Variants in TRIM5 observed in about 807,000 individuals in gnomAD.
The protein encoded by TRIM5 is tripartite motif-containing protein 5.
A neutral mutation model predicts 35.6 loss-of-function variants in TRIM5; 31 were observed. That is an observed-to-expected ratio of 0.87 (90% CI 0.65 to 1.18). The LOEUF (loss-of-function observed/expected upper bound fraction) is 1.18, where lower values mean the gene tolerates loss of function less well. TRIM5 is among the 50% of genes most tolerant of loss of function. The pLI is 0.00. For missense variants in TRIM5, 609 were observed against 591.6 expected (o/e 1.03, Z -0.31); for synonymous variants, 243 against 215.6 (o/e 1.13, Z -1.11).
At chr11:5,624,969 G>C in the TRIM5 span, 1 of 152,292 alleles carries the variant, frequency 6.6e-6, no homozygotes, top group South Asian at 2.1e-4. Flanking sequence ...TTCACACAGA[G>C]GAACCTCATT....
intron 4 of TRIM5, among the ~76,000 whole-genome samples, chr11:5,672,541 G>T (rs10838514): frequency 0.51 from 78,032 of 151,984 alleles, 23,907 homozygotes; most frequent in Non-Finnish European, 0.69. Flanking sequence ...CCCAAAAATA[G>T]TTTTTAAAAT....
the TRIM5 span, among the ~76,000 whole-genome samples, chr11:5,641,679 G>A: frequency 2.6e-5 from 4 of 152,104 alleles, no homozygotes; most frequent in Admixed American, 2.6e-4. Context: ...GCCTCAGGAC[G>A]GTAGCTGTGA....
intron 1 of TRIM5, among the ~76,000 whole-genome samples, chr11:5,684,548 T>C (rs898845062): frequency 1.4e-4 from 21 of 152,192 alleles, no homozygotes; most frequent in African/African-American, 5.1e-4. Context: ...AGTAAACTAA[T>C]AGGCATTAAA....
chr11:5,644,267 T>G, the TRIM5 span: 1 of 398,894 alleles, frequency 2.5e-6, no homozygotes, highest in Non-Finnish European at 4.4e-6. Context: ...TTCTTTTTCC[T>G]GAAATATAAA....
rs1490982789 is a variant in TRIM5, at chr11:5,679,916, C to T, written c.262G>A (p.Glu88Lys). 6.2e-7 allele frequency: 1 copy of T among 1,614,086 alleles called. No homozygotes were observed. Among genetic ancestry groups the T allele is most frequent in the Admixed American group, 1.7e-5 (1 of 60,012 alleles). The part of the protein sequence containing the change: ...EKLREVKLSP[E>K]GQKVDHCARH... Reference sequence around the variant, plus strand: ...GCACAATGATCAACTTTCTGCCCCTCTGGGCTCAACTTGACCTCCCTGAGC... The same window carrying T: ...GCACAATGATCAACTTTCTGCCCCTTTGGGCTCAACTTGACCTCCCTGAGC... The change falls in exon 2 of 8, where the codon GAG becomes AAG. Residue 88 changes from glutamate (E) to lysine (K), a missense_variant. Transcript: ENST00000380034.
rs1852313498 is a variant in TRIM5, at chr11:5,680,066, A to G, written c.112T>C (p.Cys38Arg). 1.2e-6 allele frequency: 2 copies of G among 1,614,042 alleles called. No individual in the cohort carries two copies. Among genetic ancestry groups the G allele is most frequent in the African/African-American group, 1.3e-5 (1 of 74,902 alleles). Residue 38 changes from cysteine to arginine, a missense_variant, in exon 2 of 8, where the codon TGC (cysteine) becomes CGC (arginine). Transcript: ENST00000380034. ...LDCGHSFCQA[C>R]LTANHKKSML... ...GACTTCTTGTGGTTTGCAGTGAGGC[A>G]TGCTTGGCAGAAGCTGTGGCCGCAG...
rs1176488869 is a variant in TRIM5 at position 5,680,180 on chromosome 11, T to A, written c.-3A>T. 1 of 1,593,988 alleles carries A rather than the reference T, an allele frequency of 6.3e-7. No homozygotes were observed. On this transcript the variant is annotated 5_prime_UTR_variant, in exon 2 of 8. Transcript: ENST00000380034. The stretch of plus-strand genomic sequence containing the variant: ...TTAACCAGGATTCCAGAAGCCATAG[T>A]AGCTATTCCACTGCTCCTGCCTGTC...
intron 4 of TRIM5, among the ~76,000 whole-genome samples, chr11:5,672,501 G>A (rs1312064188): frequency 1.3e-5 from 2 of 152,002 alleles, no homozygotes; most frequent in Admixed American, 6.6e-5. Context: ...GTGAGCCCCT[G>A]CAAAATATTT....
intron 4 of TRIM5, among the ~76,000 whole-genome samples, chr11:5,677,670 TGGCCCTCCTGG>T (rs1852097911): frequency 2.0e-5 from 3 of 152,170 alleles, no homozygotes; most frequent in Admixed American, 2.0e-4. Flanking sequence ...ACCTCATGAC[TGGCCCTCCTGG>T]GCCTCCCAAA....
At chr11:5,600,257 C>T in the TRIM5 span, among the ~76,000 whole-genome samples, 58 of 152,306 alleles carry the variant, frequency 3.8e-4, no homozygotes, top group South Asian at 0.011. Flanking sequence ...CCAGTTTATA[C>T]AACTATGAGA....
chr11:5,676,500 A>G (rs2134095649), intron 4 of TRIM5, among the ~76,000 whole-genome samples: 2 of 152,334 alleles, frequency 1.3e-5, no homozygotes, highest in East Asian at 3.9e-4. Context: ...ATGGGTAGGA[A>G]GAATCAATAT....
chr11:5,602,400 G>A, the TRIM5 span, among the ~76,000 whole-genome samples: 3 of 151,446 alleles, frequency 2.0e-5, no homozygotes, highest in African/African-American at 2.4e-5. Context: ...TCGAGATCAC[G>A]CCACTGCACT....
the TRIM5 span, chr11:5,645,960 AATATGTGTATGTATTTATAAC>A: frequency 4.3e-3 from 558 of 130,312 alleles, 3 homozygotes; most frequent in African/African-American, 0.016. Context: ...AATGTATATT[AATATGTGTATGTATTTATAAC>A]ATATGTGTAA....
chr11:5,661,508 T>TC (rs1170586350), downstream of TRIM5, among the ~76,000 whole-genome samples: 2 of 152,166 alleles, frequency 1.3e-5, no homozygotes, highest in Non-Finnish European at 2.9e-5. Flanking sequence ...CTGTTTTTTT[T>TC]CACAACCTCT....
chr11:5,674,102 T>C (rs1044703532), intron 4 of TRIM5, among the ~76,000 whole-genome samples: 2 of 151,896 alleles, frequency 1.3e-5, no homozygotes, highest in African/African-American at 4.8e-5. Context: ...TTTAATTTCA[T>C]AAAAGTTAAC....
intron 4 of TRIM5, among the ~76,000 whole-genome samples, chr11:5,675,379 A>G (rs1395215978): frequency 6.6e-6 from 1 of 152,106 alleles, no homozygotes; most frequent in Non-Finnish European, 1.5e-5. Flanking sequence ...CATGAGAAAC[A>G]CTGAACGTAG....
chr11:5,663,062 T>C (rs1476868293), downstream of TRIM5: 5 of 211,676 alleles, frequency 2.4e-5, no homozygotes, highest in South Asian at 1.7e-4. Flanking sequence ...GAGATGGAGG[T>C]TGCAGTGAGC....
At chr11:5,622,990 A>T in the TRIM5 span, among the ~76,000 whole-genome samples, 1 of 152,188 alleles carries the variant, frequency 6.6e-6, no homozygotes, top group East Asian at 1.9e-4. Context: ...GGGGGTTTCC[A>T]GGTCATAGGT....
At chr11:5,647,506 T>C in the TRIM5 span, among the ~76,000 whole-genome samples, 1 of 152,062 alleles carries the variant, frequency 6.6e-6, no homozygotes, top group African/African-American at 2.4e-5. Flanking sequence ...AGACAAGATA[T>C]AATTCTCTTA....
Sources: gnomAD v4.1 joint callset for allele counts (sites outside exome capture counted in the v4.1 genomes callset) on GRCh38, gnomAD v4.1.1 for gene constraint, MANE v1.5 for transcripts, NCBI Gene and HGNC (gene_info 2026-07-23, HGNC 2026-07-21) for gene names.